The following DNAJC10 variants were observed in gnomAD, a reference collection of about 807,000 sequenced individuals.
The protein encoded by DNAJC10 is endoplasmic reticulum disulfide reductase DNAJC10.
DNAJC10 carries 101 observed loss-of-function variants against 115.0 expected under a neutral mutation model. The ratio of observed to expected loss-of-function variants is 0.88; its 90% confidence interval spans 0.75 to 1.04. The LOEUF is 1.04. Ranked by LOEUF, DNAJC10 falls within the 50% of genes least tolerant of loss-of-function variation. DNAJC10 has a pLI of 0.00. For missense variants in DNAJC10, 981 were observed against 928.8 expected (o/e 1.06, Z -0.73); for synonymous variants, 307 against 301.5 (o/e 1.02, Z -0.19).
Position 182,758,848 on chromosome 2 carries a change from G to T in DNAJC10, c.1955G>T (p.Gly652Val). Residue 652 changes from glycine (G) to valine (V), a missense_variant, in exon 20 of 24, where the codon GGT (glycine) becomes GTT (valine). Gly to Val is a moderately radical substitution (Grantham distance 109). Coordinates refer to ENST00000264065, the MANE Select transcript of DNAJC10 (RefSeq NM_018981.4). Reference protein sequence around the residue: ...NKAYHYHSYNGWNRDAYSLRI... With the variant: ...NKAYHYHSYNVWNRDAYSLRI... The stretch of plus-strand genomic sequence containing the variant: ...TTTTCTTCTCTCAGCAGTTACAATG[G>T]TTGGAATAGGGATGCTTATTCCCTG... 2.5e-6 allele frequency: 4 copies of T among 1,606,910 alleles called. No individual in the cohort carries two copies. The highest frequency in any genetic ancestry group is 3.4e-6 in the Non-Finnish European group (4 of 1,173,826).
In DNAJC10 at chr2:182,792,319, G is replaced by A. The variant is rs1397192016; in HGVS notation, c.*15187G>A. ...ACAGTAGTTGGTTATCTTTGTGAGG[G>A]GTTTTGAGGGTTGTGGAACAGGATA... On this transcript the variant is annotated 3_prime_UTR_variant, in exon 24 of 24. Coordinates refer to ENST00000264065, the MANE Select transcript of DNAJC10 (RefSeq NM_018981.4). The A allele has an allele frequency of 6.6e-6, 1 of 152,052 alleles. No individual in the cohort carries two copies. Among genetic ancestry groups the A allele is most frequent in the Non-Finnish European group, 1.5e-5 (1 of 68,018 alleles). 9.4% of individuals were successfully genotyped at this position (152,052 alleles called of 1,614,324 possible).
At chr2:182,719,798 C>CTAT (rs1553486334) in intron 3 of DNAJC10, among the ~76,000 whole-genome samples, 1 of 122,200 alleles carries the variant, frequency 8.2e-6, no homozygotes, top group African/African-American at 3.1e-5. Context: ...ACTTTTCTTA[C>CTAT]TTTTTTTTTT....
chr2:182,745,059 A>C (rs1693826566), intron 14 of DNAJC10, among the ~76,000 whole-genome samples: 1 of 152,076 alleles, frequency 6.6e-6, no homozygotes, highest in Non-Finnish European at 1.5e-5. Context: ...GTTTGCAGTT[A>C]TTACCCATTC....
chr2:182,755,532 T>C (rs1452668957), intron 17 of DNAJC10, among the ~76,000 whole-genome samples: 1 of 151,902 alleles, frequency 6.6e-6, no homozygotes, highest in African/African-American at 2.4e-5. Flanking sequence ...TTATTATCCA[T>C]TTGATGACCC....
At chr2:182,747,170 C>A (rs62188163) in intron 14 of DNAJC10, among the ~76,000 whole-genome samples, 3 of 139,136 alleles carry the variant, frequency 2.2e-5, no homozygotes, top group Admixed American at 7.0e-5. Context: ...AGTGTGATGC[C>A]TCCAGCTTTG....
At position 182,718,247 on chromosome 2, in the gene DNAJC10, C is replaced by T. The variant is rs1193887988; in HGVS notation, c.161C>T (p.Ala54Val). 6.2e-7 allele frequency: 1 copy of T among 1,611,890 alleles called. No homozygotes were observed. Among genetic ancestry groups the T allele is most frequent in the Non-Finnish European group, 8.5e-7 (1 of 1,179,416 alleles). The change falls in exon 3 of 24, where the codon GCT becomes GTT. Residue 54 changes from alanine to valine, a missense_variant. Physicochemically the swap from Ala to Val is moderately conservative, Grantham distance 64. Coordinates refer to ENST00000264065, the MANE Select transcript of DNAJC10 (RefSeq NM_018981.4). ...GCAAGCAGTAGAGAAATAAGACAAG[C>T]TTTCAAGAAATTGGCATTGAAGTTA... The part of the protein sequence containing the change: ...KTASSREIRQ[A>V]FKKLALKLHP...
rs780046841 is a variant in DNAJC10 at position 182,751,836 on chromosome 2, T to TA, written c.1434+52dup. On this transcript the variant is annotated intron_variant, in intron 15 of 23. Coordinates refer to ENST00000264065, the MANE Select transcript of DNAJC10 (RefSeq NM_018981.4). ...CTAACATTGTCAGATCTTCTCCTGT[T>TA]ATGGCAAAAAGACATTTTCTAGATA... 2.5e-6 allele frequency: 4 copies of TA among 1,583,826 alleles called. No individual in the cohort carries two copies. In the Admixed American group the frequency reaches 7.5e-5, roughly 30 times the overall value.
chr2:182,722,829 A>G (rs1693185885), intron 5 of DNAJC10, among the ~76,000 whole-genome samples: 1 of 151,988 alleles, frequency 6.6e-6, no homozygotes, highest in South Asian at 2.1e-4. Context: ...AATCCCAGCT[A>G]CTTGGGAGGC....
chr2:182,722,397 T>C (rs559175475), intron 5 of DNAJC10, among the ~76,000 whole-genome samples: 1 of 152,310 alleles, frequency 6.6e-6, no homozygotes, highest in African/African-American at 2.4e-5. Context: ...TTTAGAGTTT[T>C]GGATAAAGGT....
At chr2:182,765,636 G>A (rs1202708385) in intron 22 of DNAJC10, among the ~76,000 whole-genome samples, 1 of 152,152 alleles carries the variant, frequency 6.6e-6, no homozygotes, top group African/African-American at 2.4e-5. Flanking sequence ...AGTGTTAGGT[G>A]CCTTCCAAGT....
intron 3 of DNAJC10, 122 bp from the exon 4 acceptor site, chr2:182,719,885 C>T (rs945035081): frequency 3.1e-5 from 15 of 488,490 alleles, no homozygotes; most frequent in Non-Finnish European, 4.9e-5. Context: ...TGTATTACCC[C>T]TCCTTATGTT....
rs764204658 is a variant in DNAJC10 at position 182,718,044 on chromosome 2, A to G, written c.-43A>G. The G allele has an allele frequency of 6.8e-7, 1 of 1,460,140 alleles. No individual in the cohort carries two copies. Among genetic ancestry groups the G allele is most frequent in the Admixed American group, 2.0e-5 (1 of 51,208 alleles). 90.4% of individuals were successfully genotyped at this position (1,460,140 alleles called of 1,614,324 possible). ...ATTACATCAACTGGAACCAGCAGTG[A>G]ATCTTAATGTTCACTTAAATCAGAA... On this transcript the variant is annotated 5_prime_UTR_variant, in exon 3 of 24. Transcript: ENST00000264065.
intron 16 of DNAJC10, among the ~76,000 whole-genome samples, chr2:182,754,480 A>G (rs1234114734): frequency 6.6e-6 from 1 of 152,222 alleles, no homozygotes; most frequent in African/African-American, 2.4e-5. Flanking sequence ...TATAAAGGCT[A>G]TCTTGAAGAA....
intron 11 of DNAJC10, among the ~76,000 whole-genome samples, chr2:182,738,741 C>T (rs1574931016): frequency 3.3e-5 from 5 of 152,158 alleles, no homozygotes; most frequent in Non-Finnish European, 2.9e-5. Context: ...GGGGTTTCAC[C>T]GTGTTAGCCA....
At chr2:182,758,476 T>G (rs1031980754) in intron 19 of DNAJC10, among the ~76,000 whole-genome samples, 1 of 152,160 alleles carries the variant, frequency 6.6e-6, no homozygotes, top group Non-Finnish European at 1.5e-5. Flanking sequence ...TGTAGGTAGT[T>G]TTTGACATGT....
At chr2:182,754,472 TA>T (rs1694106464) in intron 16 of DNAJC10, among the ~76,000 whole-genome samples, 1 of 152,220 alleles carries the variant, frequency 6.6e-6, no homozygotes, top group Non-Finnish European at 1.5e-5. Flanking sequence ...TTTCCTACTA[TA>T]AAGGCTATCT....
In DNAJC10 at chr2:182,722,203, G is replaced by T; in HGVS notation, c.418+128G>T. On this transcript the variant is annotated intron_variant, in intron 5 of 23. Transcript: ENST00000264065. ...TCGAACAGTAATAATGTAATATACTGTATCTTAAATATTTCTAGCAGAATG... is the reference window on the plus strand; with the variant it reads ...TCGAACAGTAATAATGTAATATACTTTATCTTAAATATTTCTAGCAGAATG... 3.3e-6 allele frequency: 2 copies of T among 607,178 alleles called. 1 individual carries two copies. Among genetic ancestry groups the T allele is most frequent in the South Asian group, 4.5e-5 (2 of 44,436 alleles). The allele number at this position is 607,178 out of a possible 1,614,324, so 37.6% of individuals were successfully genotyped here. A position where few individuals can be genotyped will look rare whatever the true frequency, so the allele number is the denominator to read the frequency against.
At chr2:182,769,607 G>A (rs551722947) in intron 22 of DNAJC10, among the ~76,000 whole-genome samples, 2 of 152,196 alleles carry the variant, frequency 1.3e-5, no homozygotes, top group African/African-American at 4.8e-5. Flanking sequence ...TGCATCTGTT[G>A]GCTGCATAGA....
chr2:182,765,746 G>A (rs1301600478), intron 22 of DNAJC10, among the ~76,000 whole-genome samples: 2 of 152,154 alleles, frequency 1.3e-5, no homozygotes, highest in African/African-American at 2.4e-5. Flanking sequence ...TATATTAAGA[G>A]TTTGATAAGC....
Sources: gnomAD v4.1 joint callset for allele counts (sites outside exome capture counted in the v4.1 genomes callset) on GRCh38, gnomAD v4.1.1 for gene constraint, MANE v1.5 for transcripts, NCBI Gene and HGNC (gene_info 2026-07-23, HGNC 2026-07-21) for gene names.